PRR14L: variants seen among roughly 807,000 people sequenced by gnomAD.
PRR14L encodes protein PRR14L.
In PRR14L, 80 loss-of-function variants were observed where a neutral mutation model predicts 155.0. The observed-to-expected ratio is 0.52, with a 90% CI of 0.43 to 0.62. PRR14L has a LOEUF of 0.62. Among genes scored for constraint, PRR14L ranks in the 20% least tolerant of loss-of-function variants. PRR14L has a pLI of 0.00. For missense variants in PRR14L, 2,469 were observed against 2,548.0 expected (o/e 0.97, Z 0.67); for synonymous variants, 883 against 916.0 (o/e 0.96, Z 0.65).
In PRR14L at chr22:31,712,326, T is replaced by C. The variant is rs2074627993; in HGVS notation, c.5513A>G (p.Lys1838Arg). Residue 1838 changes from lysine to arginine, a missense_variant, in exon 4 of 9, where the codon AAA becomes AGA. Lys to Arg is a conservative substitution (Grantham distance 26). Coordinates refer to ENST00000327423, the MANE Select transcript of PRR14L (RefSeq NM_173566.3). ...AGGCATGTGGCTGGAGAAGCTCCGT[T>C]TTTTTGTCCAGATTCGGTAACATCC... is the stretch of plus-strand genomic sequence containing the variant. ...SPGCYRIWTK[K>R]RSFSSHMPTM... is the part of the protein sequence containing the mutation. 6.2e-7 allele frequency: 1 copy of C among 1,614,128 alleles called. No homozygotes were observed. The highest frequency in any genetic ancestry group is 8.5e-7 in the Non-Finnish European group (1 of 1,180,012).
intron 7 of PRR14L, among the ~76,000 whole-genome samples, chr22:31,690,650 T>C (rs2074506453): frequency 6.6e-6 from 1 of 151,912 alleles, no homozygotes; most frequent in Non-Finnish European, 1.5e-5. Flanking sequence ...TTTTTTTTTT[T>C]TTTTTCTTTG....
At chr22:31,744,914 A>G (rs1466045423) in intron 1 of PRR14L, among the ~76,000 whole-genome samples, 1 of 152,222 alleles carries the variant, frequency 6.6e-6, no homozygotes, top group African/African-American at 2.4e-5. Flanking sequence ...AAGAATTTCA[A>G]CCTGTAAAAC....
chr22:31,725,625 TC>T lies in PRR14L; in HGVS notation c.475-16del. 1.3e-6 allele frequency: 2 copies of T among 1,514,036 alleles called. No individual in the cohort carries two copies. The highest frequency in any genetic ancestry group is 1.8e-6 in the Non-Finnish European group (2 of 1,112,888). The allele number at this position is 1,514,036 out of a possible 1,614,324, so 93.8% of individuals were successfully genotyped here. Reference sequence around the variant, plus strand: ...AGGAGATCCTCCTACAGTAAGAAAATCCAGTGGTCAAGGGGGATTCAGAAGA... The same window carrying T: ...AGGAGATCCTCCTACAGTAAGAAAATCAGTGGTCAAGGGGGATTCAGAAGA... On this transcript the variant is annotated splice_polypyrimidine_tract_variant and intron_variant, in intron 2 of 8. Transcript: ENST00000327423.
At chr22:31,731,322 T>C (rs549130572) in intron 2 of PRR14L, among the ~76,000 whole-genome samples, 1 of 152,088 alleles carries the variant, frequency 6.6e-6, no homozygotes, top group South Asian at 2.1e-4. Context: ...CCTAACACTT[T>C]GGGAGGCCGA....
At chr22:31,711,083 T>A (rs549984465) in intron 4 of PRR14L, among the ~76,000 whole-genome samples, 1 of 152,208 alleles carries the variant, frequency 6.6e-6, no homozygotes. Context: ...TTTAGTGCTT[T>A]GTGAAGGAGA....
At position 31,750,069 on chromosome 22, in the gene PRR14L, T is replaced by G. The variant is rs762991062; in HGVS notation, c.-128A>C. ...GCTGCAGCCCCGTCGTCGCCAGGTC[T>G]ACCTGAGCCTACGGAGCCGACAGAG... On this transcript the variant is annotated 5_prime_UTR_variant, in exon 1 of 9. Coordinates refer to ENST00000327423, the MANE Select transcript of PRR14L (RefSeq NM_173566.3). 3.3e-5 allele frequency: 5 copies of G among 152,756 alleles called. No homozygotes were observed. The highest frequency in any genetic ancestry group is 5.8e-5 in the Non-Finnish European group (4 of 68,492). The allele number at this position is 152,756 out of a possible 1,614,324, so 9.5% of individuals were successfully genotyped here. A position where few individuals can be genotyped will look rare whatever the true frequency, so the allele number is the denominator to read the frequency against.
intron 2 of PRR14L, among the ~76,000 whole-genome samples, chr22:31,733,071 C>A (rs1195097502): frequency 6.6e-6 from 1 of 151,474 alleles, no homozygotes; most frequent in African/African-American, 2.4e-5. Context: ...TCACTACAAC[C>A]CTTTCTTCTG....
chr22:31,743,301 CA>C (rs59447075), intron 1 of PRR14L, among the ~76,000 whole-genome samples: 2 of 150,824 alleles, frequency 1.3e-5, no homozygotes, highest in African/African-American at 2.4e-5. Context: ...AAAGTCTGTC[CA>C]AAAAAAAGGC....
intron 2 of PRR14L, among the ~76,000 whole-genome samples, chr22:31,733,697 T>C (rs1333615117): frequency 6.6e-6 from 1 of 152,178 alleles, no homozygotes; most frequent in Non-Finnish European, 1.5e-5. Context: ...TTGTATCAGT[T>C]TGCATTCCCA....
chr22:31,700,286 A>G (rs753921374), intron 7 of PRR14L, among the ~76,000 whole-genome samples: 3 of 152,258 alleles, frequency 2.0e-5, no homozygotes, highest in Non-Finnish European at 4.4e-5. Context: ...ATATAAATGC[A>G]AGAGAGAATA....
chr22:31,685,927 C>A, intron 8 of PRR14L, 124 bp from the exon 9 acceptor site: 3 of 847,692 alleles, frequency 3.5e-6, no homozygotes, highest in Non-Finnish European at 5.4e-6. Context: ...AAGCTACTTG[C>A]GCCAACTCTT....
rs2074797054 is a variant in PRR14L at position 31,738,777 on chromosome 22, G to C, written c.84C>G (p.Leu28=). 1 of 1,551,682 alleles carries C rather than the reference G, an allele frequency of 6.4e-7. No individual in the cohort carries two copies. The highest frequency in any genetic ancestry group is 2.0e-5 in the Admixed American group (1 of 50,972). ...SAVVQELYSE[L]PVSVSRELHA... ...GAAGCTCTCTGGAGACACTTACTGG[G>C]AGTTCAGAGTATAATTCCTGTACCA... The change falls in exon 2 of 9, where the codon CTC becomes CTG. Residue 28 remains leucine (L), a synonymous_variant. Transcript: ENST00000327423.
intron 7 of PRR14L, among the ~76,000 whole-genome samples, chr22:31,690,300 C>T (rs529049054): frequency 1.3e-5 from 2 of 152,238 alleles, no homozygotes; most frequent in South Asian, 2.1e-4. Flanking sequence ...CCACCCACCT[C>T]GGCCTCTGAA....
chr22:31,738,930 A>C lies in PRR14L; in HGVS notation c.-51-19T>G. On this transcript the variant is annotated intron_variant, in intron 1 of 8. Coordinates refer to ENST00000327423, the MANE Select transcript of PRR14L (RefSeq NM_173566.3). ...ATTCACCCTGACACAAATCACAGGA[A>C]GGGATAAAAGTTTAAAACCTTGATA... The C allele has an allele frequency of 9.0e-7, 1 of 1,109,024 alleles. No homozygotes were observed. The highest frequency in any genetic ancestry group is 1.3e-6 in the Non-Finnish European group (1 of 791,088). 68.7% of individuals were successfully genotyped at this position (1,109,024 alleles called of 1,614,324 possible). A position where few individuals can be genotyped will look rare whatever the true frequency, so the allele number is the denominator to read the frequency against.
At chr22:31,690,480 T>C (rs2074505542) in intron 7 of PRR14L, among the ~76,000 whole-genome samples, 1 of 151,870 alleles carries the variant, frequency 6.6e-6, no homozygotes, top group African/African-American at 2.4e-5. Context: ...CCACTGTGAC[T>C]GGCCTATTTT....
chr22:31,707,734 T>C (rs1225192835), intron 4 of PRR14L, among the ~76,000 whole-genome samples: 1 of 152,042 alleles, frequency 6.6e-6, no homozygotes, highest in East Asian at 1.9e-4. Flanking sequence ...AGCAGAGCAA[T>C]TATGAGATTT....
intron 2 of PRR14L, among the ~76,000 whole-genome samples, chr22:31,729,970 G>A (rs1421468569): frequency 1.5e-4 from 22 of 150,622 alleles, no homozygotes; most frequent in Non-Finnish European, 8.9e-5. Flanking sequence ...GGTCAACTGT[G>A]AAACCCCATC....
At chr22:31,690,634 G>A (rs1299180860) in intron 7 of PRR14L, among the ~76,000 whole-genome samples, 1 of 151,158 alleles carries the variant, frequency 6.6e-6, no homozygotes, top group Non-Finnish European at 1.5e-5. Flanking sequence ...TATAGTCCCT[G>A]GCTAATTTTT....
intron 4 of PRR14L, among the ~76,000 whole-genome samples, chr22:31,710,134 G>T (rs1259959260): frequency 2.0e-5 from 3 of 151,788 alleles, no homozygotes; most frequent in African/African-American, 7.3e-5. Flanking sequence ...CAGAGACAAC[G>T]TTATGCCATG....
Sources: gnomAD v4.1 joint callset for allele counts (sites outside exome capture counted in the v4.1 genomes callset) on GRCh38, gnomAD v4.1.1 for gene constraint, MANE v1.5 for transcripts, NCBI Gene and HGNC (gene_info 2026-07-23, HGNC 2026-07-21) for gene names.